The following C7orf78 variants were observed in gnomAD, a reference collection of about 807,000 sequenced individuals.
The protein encoded by C7orf78 is chromosome 7 open reading frame 78.
the C7orf78 span, among the ~76,000 whole-genome samples, chr7:12,537,688 T>C: frequency 6.6e-6 from 1 of 152,212 alleles, no homozygotes; most frequent in Non-Finnish European, 1.5e-5. Flanking sequence ...GGAATGCTTA[T>C]AGCAGAATTG....
chr7:12,494,637 T>C, the C7orf78 span, among the ~76,000 whole-genome samples: 2 of 151,102 alleles, frequency 1.3e-5, no homozygotes, highest in Non-Finnish European at 2.9e-5. Context: ...AACAAATCAC[T>C]GTGAATTGAC....
chr7:12,512,064 C>G, the C7orf78 span, among the ~76,000 whole-genome samples: 2 of 151,706 alleles, frequency 1.3e-5, no homozygotes, highest in African/African-American at 4.8e-5. Flanking sequence ...CGTGAGCCAC[C>G]ACGCCTGGCC....
the C7orf78 span, among the ~76,000 whole-genome samples, chr7:12,495,336 T>C: frequency 6.6e-6 from 1 of 152,222 alleles, no homozygotes; most frequent in Non-Finnish European, 1.5e-5. Flanking sequence ...GCATGTCTAA[T>C]CTCCAATGTC....
chr7:12,528,969 G>A, the C7orf78 span: 1 of 398,356 alleles, frequency 2.5e-6, no homozygotes. Context: ...TCACCCACAA[G>A]CATTGTGAAT....
chr7:12,517,317 C>T, the C7orf78 span, among the ~76,000 whole-genome samples: 1 of 152,132 alleles, frequency 6.6e-6, no homozygotes, highest in African/African-American at 2.4e-5. Context: ...GATTCTGAGG[C>T]CTCCCCAGCC....
At chr7:12,506,462 T>TA in the C7orf78 span, among the ~76,000 whole-genome samples, 2 of 152,088 alleles carry the variant, frequency 1.3e-5, no homozygotes, top group African/African-American at 2.4e-5. Flanking sequence ...TATGCAGCCA[T>TA]AAAAAATGAT....
the C7orf78 span, among the ~76,000 whole-genome samples, chr7:12,488,895 G>A: frequency 1.4e-5 from 2 of 145,324 alleles, no homozygotes; most frequent in South Asian, 4.4e-4. Context: ...ATCAATATGT[G>A]TGGAGGGGGT....
the C7orf78 span, among the ~76,000 whole-genome samples, chr7:12,495,293 GT>G: frequency 1.3e-5 from 2 of 152,178 alleles, no homozygotes; most frequent in African/African-American, 4.8e-5. Flanking sequence ...CAAAGTGGCT[GT>G]TTTGCACAGC....
the C7orf78 span, among the ~76,000 whole-genome samples, chr7:12,527,400 A>T: frequency 8.7e-6 from 1 of 115,054 alleles, no homozygotes; most frequent in Non-Finnish European, 1.7e-5. Flanking sequence ...GTGTAATTGA[A>T]ATGGAACATA....
At chr7:12,494,453 G>C in the C7orf78 span, among the ~76,000 whole-genome samples, 3 of 152,168 alleles carry the variant, frequency 2.0e-5, no homozygotes, top group South Asian at 2.1e-4. Context: ...AATTTAAGAG[G>C]CTCCTTAGAA....
chr7:12,528,794 C>T, the C7orf78 span: 11 of 395,386 alleles, frequency 2.8e-5, no homozygotes, highest in Non-Finnish European at 4.0e-5. Flanking sequence ...AATTATCCAG[C>T]GACTTACCAC....
chr7:12,529,348 T>C, the C7orf78 span, among the ~76,000 whole-genome samples: 1 of 152,112 alleles, frequency 6.6e-6, no homozygotes, highest in Non-Finnish European at 1.5e-5. Context: ...TACTTTCTAA[T>C]AACTTTAGAC....
the C7orf78 span, among the ~76,000 whole-genome samples, chr7:12,527,354 T>A: frequency 1.6e-5 from 2 of 127,294 alleles, no homozygotes; most frequent in Non-Finnish European, 3.3e-5. Flanking sequence ...GTATATGCTG[T>A]GTGTCACTCA....
chr7:12,486,439 A>C, the C7orf78 span, among the ~76,000 whole-genome samples: 113 of 151,936 alleles, frequency 7.4e-4, no homozygotes, highest in South Asian at 0.012. Context: ...GTTCCATAGC[A>C]TCTAGGTGCA....
chr7:12,487,737 T>C, the C7orf78 span, among the ~76,000 whole-genome samples: 1 of 152,052 alleles, frequency 6.6e-6, no homozygotes, highest in South Asian at 2.1e-4. Context: ...CAAACAAAAG[T>C]ATTTTCAACT....
chr7:12,501,655 C>T, the C7orf78 span, among the ~76,000 whole-genome samples: 2 of 135,910 alleles, frequency 1.5e-5, no homozygotes, highest in Admixed American at 7.5e-5. Context: ...GGCCATACTG[C>T]CCAAGGTAAT....
chr7:12,507,064 G>A, the C7orf78 span: 2 of 373,996 alleles, frequency 5.3e-6, no homozygotes, highest in South Asian at 4.2e-5. Flanking sequence ...ACTTTGGGAG[G>A]CCGAGACGGG....
At chr7:12,509,884 A>C in the C7orf78 span, among the ~76,000 whole-genome samples, 1 of 152,090 alleles carries the variant, frequency 6.6e-6, no homozygotes, top group Non-Finnish European at 1.5e-5. Context: ...CAGGACAAAA[A>C]TTAGCCGGGC....
chr7:12,534,231 C>T, the C7orf78 span, among the ~76,000 whole-genome samples: 2 of 152,096 alleles, frequency 1.3e-5, no homozygotes, highest in African/African-American at 4.8e-5. Flanking sequence ...TCACATTCAG[C>T]CATGAAAAAG....
Sources: gnomAD v4.1 joint callset for allele counts (sites outside exome capture counted in the v4.1 genomes callset) on GRCh38, gnomAD v4.1.1 for gene constraint, MANE v1.5 for transcripts, NCBI Gene and HGNC (gene_info 2026-07-23, HGNC 2026-07-21) for gene names.